Variants in KSR2 observed in about 807,000 individuals in gnomAD.
KSR2 encodes kinase suppressor of ras 2.
Under a neutral mutation model 107.8 loss-of-function variants are expected in KSR2, and 25 were observed. That is an observed-to-expected ratio of 0.23 (90% CI 0.17 to 0.32). The LOEUF is 0.32. KSR2 is among the 10% of genes least tolerant of loss of function. KSR2 has a pLI of 1.00. For synonymous variants in KSR2, 480 were observed against 507.0 expected, an observed-to-expected ratio of 0.95 and a Z score of 0.71; for missense variants, 887 against 1,268.9, an observed-to-expected ratio of 0.70 and a Z score of 4.57.
At chr12:117,676,387 T>C (rs1359836038) in intron 4 of KSR2, among the ~76,000 whole-genome samples, 1 of 152,242 alleles carries the variant, frequency 6.6e-6, no homozygotes, top group Non-Finnish European at 1.5e-5. Flanking sequence ...TTTTGCATTT[T>C]AATAAAATTC....
chr12:117,968,305 A>AAGGG lies in KSR2; in HGVS notation c.-51_-50insCCCT. On this transcript the variant is annotated 5_prime_UTR_variant, in exon 1 of 20. Coordinates refer to ENST00000339824, the MANE Select transcript of KSR2 (RefSeq NM_173598.6). ...CTCCTCCTCCTCCCAGAGAGAAAAAAGAGGGGGGGGAGTAGAGGTAGTCTA... is the reference window on the plus strand; with the variant it reads ...CTCCTCCTCCTCCCAGAGAGAAAAAAAGGGGAGGGGGGGGAGTAGAGGTAGTCTA... 4.7e-5 allele frequency: 52 copies of AAGGG among 1,110,302 alleles called. No homozygotes were observed. Among genetic ancestry groups the AAGGG allele is most frequent in the Non-Finnish European group, 5.6e-5 (48 of 858,872 alleles). The allele number at this position is 1,110,302 out of a possible 1,614,324, so 68.8% of individuals were successfully genotyped here.
At chr12:117,826,864 C>T (rs143670483) in intron 3 of KSR2, among the ~76,000 whole-genome samples, 4 of 151,982 alleles carry the variant, frequency 2.6e-5, no homozygotes, top group African/African-American at 7.2e-5. Context: ...GTGGGCAGAT[C>T]GCTTTGAGCT....
At chr12:117,945,573 C>T (rs1376132798) in intron 1 of KSR2, among the ~76,000 whole-genome samples, 1 of 152,130 alleles carries the variant, frequency 6.6e-6, no homozygotes, top group Non-Finnish European at 1.5e-5. Flanking sequence ...ACTCGGGAGG[C>T]TGAGGCAGGA....
At chr12:117,604,640 C>T (rs1469629050) in intron 5 of KSR2, among the ~76,000 whole-genome samples, 1 of 152,028 alleles carries the variant, frequency 6.6e-6, no homozygotes, top group East Asian at 1.9e-4. Context: ...CACAGTTTTC[C>T]TAATTTTTAT....
chr12:117,687,065 C>G (rs181587087), intron 4 of KSR2, among the ~76,000 whole-genome samples: 89 of 152,254 alleles, frequency 5.8e-4, no homozygotes, highest in African/African-American at 2.0e-3. Context: ...AGCAACTCAT[C>G]CTTAAAAGCT....
At chr12:117,629,934 AG>A (rs1371314638) in intron 5 of KSR2, among the ~76,000 whole-genome samples, 2 of 152,212 alleles carry the variant, frequency 1.3e-5, no homozygotes, top group Non-Finnish European at 2.9e-5. Context: ...AACAAGCAAC[AG>A]CAAGTCCCCT....
At chr12:117,815,990 A>AAGT (rs1891353492) in intron 3 of KSR2, among the ~76,000 whole-genome samples, 1 of 113,586 alleles carries the variant, frequency 8.8e-6, no homozygotes, top group Non-Finnish European at 1.8e-5. Flanking sequence ...AAAAAAATAA[A>AAGT]GTGTGTGTGT....
At chr12:117,875,332 TA>T (rs1893804130) in intron 1 of KSR2, among the ~76,000 whole-genome samples, 1 of 112,736 alleles carries the variant, frequency 8.9e-6, no homozygotes, top group Admixed American at 9.4e-5. Context: ...CCTTAGGTGC[TA>T]TTTTTTTTTT....
intron 4 of KSR2, among the ~76,000 whole-genome samples, chr12:117,689,133 T>C (rs1418968147): frequency 5.9e-5 from 9 of 152,214 alleles, no homozygotes; most frequent in Admixed American, 3.9e-4. Context: ...TATATAAATG[T>C]ATATATACAT....
chr12:117,499,186 C>T (rs1873218879), intron 14 of KSR2, among the ~76,000 whole-genome samples: 1 of 152,198 alleles, frequency 6.6e-6, no homozygotes, highest in African/African-American at 2.4e-5. Flanking sequence ...TTTTTCAACT[C>T]AACAGTAGCC....
At position 117,968,842 on chromosome 12, in the gene KSR2, G is replaced by T; in HGVS notation, c.-587C>A. On this transcript the variant is annotated 5_prime_UTR_variant, in exon 1 of 20. Transcript: ENST00000339824. ...GCGTTCTCAAGGTGCTGTCTGCATT[G>T]CTCCCGCGGCTGCGGCGGCTACTGC... The T allele has an allele frequency of 4.7e-6, 1 of 212,774 alleles. No individual in the cohort carries two copies. Among genetic ancestry groups the T allele is most frequent in the South Asian group, 5.2e-5 (1 of 19,178 alleles). 13.2% of individuals were successfully genotyped at this position (212,774 alleles called of 1,614,324 possible).
At chr12:117,797,203 T>C (rs1415867491) in intron 3 of KSR2, among the ~76,000 whole-genome samples, 1 of 152,168 alleles carries the variant, frequency 6.6e-6, no homozygotes, top group African/African-American at 2.4e-5. Context: ...AGCAGCCCTA[T>C]TCACAATAGC....
At chr12:117,798,720 A>ATATATAT (rs1555242304) in intron 3 of KSR2, among the ~76,000 whole-genome samples, 1 of 120,202 alleles carries the variant, frequency 8.3e-6, no homozygotes, top group Non-Finnish European at 1.8e-5. Context: ...AAAAAAAAAA[A>ATATATAT]ATATATATAT....
chr12:117,714,198 C>A (rs1028031838), intron 4 of KSR2, among the ~76,000 whole-genome samples: 1 of 152,078 alleles, frequency 6.6e-6, no homozygotes, highest in Non-Finnish European at 1.5e-5. Context: ...CTTTTTGGAG[C>A]GGCAGGTGGA....
chr12:117,810,933 A>G (rs1219073631), intron 3 of KSR2, among the ~76,000 whole-genome samples: 1 of 152,214 alleles, frequency 6.6e-6, no homozygotes, highest in Non-Finnish European at 1.5e-5. Flanking sequence ...GATGAAATAA[A>G]ATTAAGTTAA....
intron 4 of KSR2, among the ~76,000 whole-genome samples, chr12:117,723,248 T>C (rs1887284034): frequency 6.6e-6 from 1 of 152,202 alleles, no homozygotes; most frequent in South Asian, 2.1e-4. Flanking sequence ...CTGCCCAAGT[T>C]GTCACTAAAA....
intron 1 of KSR2, among the ~76,000 whole-genome samples, chr12:117,966,693 CCT>C (rs34813956): frequency 0.25 from 37,553 of 147,994 alleles, 5,291 homozygotes; most frequent in East Asian, 0.44. Flanking sequence ...TTTCTCCCTC[CCT>C]CTCTCTCTCT....
intron 15 of KSR2, 111 bp downstream of exon 15, chr12:117,485,483 TG>T (rs1364757937): frequency 2.6e-6 from 2 of 754,920 alleles, no homozygotes; most frequent in Non-Finnish European, 4.5e-6. Context: ...AAGTCCAGAT[TG>T]GTAGTCTGAA....
At chr12:117,677,007 G>T (rs1030783257) in intron 4 of KSR2, among the ~76,000 whole-genome samples, 1 of 152,194 alleles carries the variant, frequency 6.6e-6, no homozygotes. Flanking sequence ...AAGTGGAGAA[G>T]GGTGTCCATC....
Sources: gnomAD v4.1 joint callset for allele counts (sites outside exome capture counted in the v4.1 genomes callset) on GRCh38, gnomAD v4.1.1 for gene constraint, MANE v1.5 for transcripts, NCBI Gene and HGNC (gene_info 2026-07-23, HGNC 2026-07-21) for gene names.